NOC2L: variants seen among roughly 807,000 people sequenced by gnomAD.
The protein encoded by NOC2L is NOC2 like nucleolar associated transcriptional repressor, also known as nucleolar complex protein 2 homolog.
Under a neutral mutation model 94.2 loss-of-function variants are expected in NOC2L, and 101 were observed. The ratio of observed to expected loss-of-function variants is 1.07; its 90% CI spans 0.91 to 1.26. NOC2L has a LOEUF of 1.26. Among genes scored for constraint, NOC2L ranks in the 50% most tolerant of loss-of-function variants. The probability of loss-of-function intolerance (pLI) is 0.00; values close to 1 mark genes in which losing one functional copy is unlikely to be tolerated. For synonymous variants in NOC2L, 531 were observed against 413.4 expected, an observed-to-expected ratio of 1.28 and a Z score of -3.45; for missense variants, 1,076 against 980.1, an observed-to-expected ratio of 1.10 and a Z score of -1.31.
Position 951,862 on chromosome 1 carries a change from C to A in NOC2L, c.1331+138G>T, listed in dbSNP as rs923310434. ...CATCTCCCCGTAGCAGGTACAGGGA[C>A]CCCAGCCCTTCCTCAGGGACGGCCA... On this transcript the variant is annotated intron_variant, in intron 11 of 18. Transcript: ENST00000327044. 4 of 960,964 alleles carry A rather than the reference C, an allele frequency of 4.2e-6. No individual in the cohort carries two copies. In the South Asian group the frequency reaches 5.2e-5, roughly 12 times the overall value. 59.5% of individuals were successfully genotyped at this position (960,964 alleles called of 1,614,324 possible). A position where few individuals can be genotyped will look rare whatever the true frequency, so the allele number is the denominator to read the frequency against.
At chr1:946,638 G>A (rs1642126423) in intron 14 of NOC2L, 93 bp from the exon 15 acceptor site, 11 of 1,469,870 alleles carry the variant, frequency 7.5e-6, no homozygotes, top group Admixed American at 3.7e-5. Context: ...TGGTGGCCAC[G>A]GGGATACCCC....
chr1:955,663 G>A (rs1280030714), intron 6 of NOC2L, among the ~76,000 whole-genome samples: 2 of 152,218 alleles, frequency 1.3e-5, no homozygotes, highest in African/African-American at 4.8e-5. Flanking sequence ...AGCAAAGGCA[G>A]CTGCACACGC....
chr1:950,008 C>A (rs1642209460), intron 12 of NOC2L, among the ~76,000 whole-genome samples: 1 of 152,234 alleles, frequency 6.6e-6, no homozygotes, highest in Non-Finnish European at 1.5e-5. Context: ...AACCCACCCA[C>A]TGAAAGTTGA....
chr1:955,896 A>T, intron 6 of NOC2L, 27 bp downstream of exon 6: 12 of 1,285,750 alleles, frequency 9.3e-6, no homozygotes, highest in Non-Finnish European at 1.2e-5. Context: ...CTTCCACCCT[A>T]CCCCCCTTCA....
chr1:959,157 C>G, intron 1 of NOC2L, 58 bp downstream of exon 1: 1 of 1,611,990 alleles, frequency 6.2e-7, no homozygotes. Context: ...CAAGAAAAGC[C>G]CCCTTGGATA....
At chr1:945,840 T>G (rs1642092053) in intron 16 of NOC2L, among the ~76,000 whole-genome samples, 187 bp from the exon 17 acceptor site, 1 of 152,216 alleles carries the variant, frequency 6.6e-6, no homozygotes, top group African/African-American at 2.4e-5. Flanking sequence ...GCAGAGCCCT[T>G]CCTGCTTCTC....
chr1:951,330 G>A (rs1285192959), intron 11 of NOC2L, 92 bp from the exon 12 acceptor site: 45 of 959,338 alleles, frequency 4.7e-5, no homozygotes, highest in East Asian at 2.1e-4. Flanking sequence ...CCCACTCACC[G>A]ACATCAGACC....
rs372813385 is a variant in NOC2L at position 946,502 on chromosome 1, C to T, written c.1703G>A (p.Arg568Gln). Residue 568 changes from arginine (R) to glutamine (Q), a missense_variant, in exon 15 of 19, where the codon CGG (arginine) becomes CAG (glutamine). Physicochemically the swap from Arg to Gln is conservative, Grantham distance 43 (BLOSUM62 1). Transcript: ENST00000327044. The stretch of plus-strand genomic sequence containing the variant: ...CTTCCCAAGCAGCTGCTGCACCTGC[C>T]GGCAGTAGTTGGCCACCTTGCACTC... ...LRECKVANYC[R>Q]QVQQLLGKVQ... 17 of 1,613,140 alleles carry T rather than the reference C, an allele frequency of 1.1e-5. No individual in the cohort carries two copies. Among genetic ancestry groups the T allele is most frequent in the East Asian group, 4.5e-5 (2 of 44,902 alleles).
chr1:944,819 G>A lies in NOC2L; in HGVS notation c.2144-19C>T, dbSNP rs201253882. 1.8e-5 allele frequency: 27 copies of A among 1,500,930 alleles called. No individual in the cohort carries two copies. The Middle Eastern group carries it at 5.2e-4, about 29-fold the overall frequency. 93.0% of individuals were successfully genotyped at this position (1,500,930 alleles called of 1,614,324 possible). On this transcript the variant is annotated intron_variant, in intron 18 of 18. Transcript: ENST00000327044. ...TCTCCATCTGCGGGGAGAGATGGAG[G>A]CTACATAAATTTTGCTTTATCAGGA...
intron 11 of NOC2L, among the ~76,000 whole-genome samples, 165 bp from the exon 12 acceptor site, chr1:951,403 C>G (rs1300986590): frequency 6.6e-6 from 1 of 151,820 alleles, no homozygotes; most frequent in Non-Finnish European, 1.5e-5. Flanking sequence ...AGCTATGGGG[C>G]TGCAGGTACC....
rs1286458444 is a variant in NOC2L, at chr1:948,196, C to G, written c.1594G>C (p.Glu532Gln). Reference protein sequence around the residue: ...LVEQLYDLTLEYLHSQAHCIG... With the variant: ...LVEQLYDLTLQYLHSQAHCIG... ...CAGTGTGCCTGGCTGTGCAGGTACT[C>G]CAGGGTGAGGTCGTACAGCTGCTCC... is the stretch of plus-strand genomic sequence containing the variant. Residue 532 changes from glutamate to glutamine, a missense_variant, in exon 14 of 19, where the codon GAG becomes CAG. Coordinates refer to ENST00000327044, the MANE Select transcript of NOC2L (RefSeq NM_015658.4). 4.4e-6 allele frequency: 7 copies of G among 1,589,790 alleles called. No homozygotes were observed. The highest frequency in any genetic ancestry group is 6.0e-6 in the Non-Finnish European group (7 of 1,168,530).
chr1:953,575 G>A (rs932995305), intron 8 of NOC2L, among the ~76,000 whole-genome samples: 7 of 152,248 alleles, frequency 4.6e-5, no homozygotes, highest in Admixed American at 2.0e-4. Context: ...CACGGACTGA[G>A]CCGCGCTGCC....
At position 956,857 on chromosome 1, in the gene NOC2L, C is replaced by A. The variant is rs137904446; in HGVS notation, c.486+37G>T. 7,932 of 1,611,272 alleles carry A rather than the reference C, an allele frequency of 4.9e-3. 43 individuals are homozygous for A. Among genetic ancestry groups the A allele is most frequent in the South Asian group, 4.8e-3 (435 of 90,980 alleles). ...AGGTGAGGCAAGGCCAGATTTCTGC[C>A]TGGGCACCCAGCTGCCCGCCCCTGG... On this transcript the variant is annotated intron_variant, in intron 4 of 18. Coordinates refer to ENST00000327044, the MANE Select transcript of NOC2L (RefSeq NM_015658.4).
chr1:947,515 G>GCCC (rs1642145714), intron 14 of NOC2L, among the ~76,000 whole-genome samples: 2 of 152,192 alleles, frequency 1.3e-5, no homozygotes, highest in African/African-American at 4.8e-5. Context: ...AGACAGCAGG[G>GCCC]CCCCCACCCC....
At chr1:947,068 C>T (rs1184729814) in intron 14 of NOC2L, 1 of 156,956 alleles carries the variant, frequency 6.4e-6, no homozygotes, top group African/African-American at 2.4e-5. Flanking sequence ...AACAATACTA[C>T]TACTACTAAT....
At chr1:946,336 C>G in intron 15 of NOC2L, 50 bp from the exon 16 acceptor site, 2 of 1,611,894 alleles carry the variant, frequency 1.2e-6, no homozygotes, top group Non-Finnish European at 1.7e-6. Flanking sequence ...GGCAAACCCC[C>G]ACATGTAGCT....
Position 952,455 on chromosome 1 carries a change from T to C in NOC2L, c.1148A>G (p.Gln383Arg). 2 of 1,613,780 alleles carry C rather than the reference T, an allele frequency of 1.2e-6. No homozygotes were observed. Among genetic ancestry groups the C allele is most frequent in the Non-Finnish European group, 1.7e-6 (2 of 1,179,992 alleles). ...AYQHAFLYIR[Q>R]LAIHLRNAMT... ...GGCGTTGCGCAGGTGTATGGCGAGC[T>C]GGCGGATGTAGAGGAAGGCGTGCTG... Residue 383 changes from glutamine to arginine, a missense_variant, in exon 10 of 19, where the codon CAG (glutamine) becomes CGG (arginine). Gln to Arg is a conservative substitution (Grantham distance 43). Coordinates refer to ENST00000327044, the MANE Select transcript of NOC2L (RefSeq NM_015658.4).
In NOC2L at chr1:945,633, A is replaced by G. The variant is rs1385565101; in HGVS notation, c.1938T>C (p.Pro646=). Residue 646 remains proline, a synonymous_variant, in exon 17 of 19, where the codon CCT becomes CCC. Coordinates refer to ENST00000327044, the MANE Select transcript of NOC2L (RefSeq NM_015658.4). The stretch of plus-strand genomic sequence containing the variant: ...CAGCCATCTTCCTTCGTTTGATCTC[A>G]GGGAAGTTCAGGTCTTCCAGCTGGA... ...GKERLEDLNF[P]EIKRRKMADR... 4 of 1,613,974 alleles carry G rather than the reference A, an allele frequency of 2.5e-6. No individual in the cohort carries two copies. Among genetic ancestry groups the G allele is most frequent in the Non-Finnish European group, 3.4e-6 (4 of 1,179,852 alleles).
chr1:956,920 C>T lies in NOC2L; in HGVS notation c.460G>A (p.Val154Ile). The change falls in exon 4 of 19, where the codon GTT (valine) becomes ATT (isoleucine). Residue 154 changes from valine to isoleucine, a missense_variant. Transcript: ENST00000327044. ...KNSVPVTVAM[V>I]ERWKQAAKQR... Reference sequence around the variant, plus strand: ...TTTGCTGCCTGCTTCCATCTCTCAACCATGGCGACGGTCACAGGAACAGAA... The same window carrying T: ...TTTGCTGCCTGCTTCCATCTCTCAATCATGGCGACGGTCACAGGAACAGAA... The T allele has an allele frequency of 6.2e-7, 1 of 1,614,072 alleles. No homozygotes were observed. The highest frequency in any genetic ancestry group is 8.5e-7 in the Non-Finnish European group (1 of 1,180,040).
Sources: allele counts gnomAD v4.1 joint callset (sites outside exome capture counted in the v4.1 genomes callset), GRCh38; gene constraint gnomAD v4.1.1; transcripts MANE v1.5; gene names NCBI Gene and HGNC (gene_info 2026-07-23, HGNC 2026-07-21).